Variants in SH3D19 observed in about 807,000 individuals in gnomAD.
SH3D19 encodes the protein SH3 domain-containing protein 19.
SH3D19 carries 58 observed loss-of-function variants against 112.1 expected under a neutral mutation model. That is an observed-to-expected ratio of 0.52 (90% CI 0.42 to 0.64). SH3D19 has a LOEUF of 0.64. SH3D19 is among the 30% of genes least tolerant of loss of function. The pLI, the probability that SH3D19 is intolerant of heterozygous loss-of-function variation, is 0.00. For synonymous variants in SH3D19, 391 were observed against 448.5 expected (o/e 0.87, Z 1.62); for missense variants, 1,090 against 1,263.4 (o/e 0.86, Z 2.08).
intron 1 of SH3D19, among the ~76,000 whole-genome samples, chr4:151,292,997 G>C (rs1472395274): frequency 6.6e-6 from 1 of 151,988 alleles, no homozygotes; most frequent in African/African-American, 2.4e-5. Flanking sequence ...GCGGGTGCCT[G>C]TAATCCCAGC....
chr4:151,122,596 C>T (rs1272201365), intron 19 of SH3D19, among the ~76,000 whole-genome samples: 1 of 151,928 alleles, frequency 6.6e-6, no homozygotes, highest in Non-Finnish European at 1.5e-5. Context: ...AATTAATATT[C>T]CCTCATTCTA....
chr4:151,139,171 T>G (rs1752500187), intron 13 of SH3D19, among the ~76,000 whole-genome samples: 2 of 151,928 alleles, frequency 1.3e-5, no homozygotes, highest in African/African-American at 4.8e-5. Flanking sequence ...TTTTCTTTTT[T>G]GAGACGGAGT....
intron 12 of SH3D19, among the ~76,000 whole-genome samples, chr4:151,141,291 A>G (rs1418574476): frequency 6.6e-6 from 1 of 152,108 alleles, no homozygotes; most frequent in East Asian, 1.9e-4. Flanking sequence ...ATGCCTGGCT[A>G]ATTTTTGTAT....
intron 1 of SH3D19, among the ~76,000 whole-genome samples, chr4:151,314,560 T>C (rs1226619597): frequency 6.6e-6 from 1 of 152,204 alleles, no homozygotes; most frequent in Non-Finnish European, 1.5e-5. Context: ...AGAATCTAGG[T>C]ATCTTATAAC....
chr4:151,192,635 A>G (rs1008161579), intron 2 of SH3D19, among the ~76,000 whole-genome samples: 7 of 152,214 alleles, frequency 4.6e-5, no homozygotes, highest in African/African-American at 1.7e-4. Flanking sequence ...CACAACACAT[A>G]CTTCTCATAT....
rs765536105 is a variant in SH3D19 at position 151,176,666 on chromosome 4, C to G, written c.397G>C (p.Val133Leu). 2.5e-5 allele frequency: 31 copies of G among 1,232,014 alleles called. No individual in the cohort carries two copies. The highest frequency in any genetic ancestry group is 3.1e-5 in the Non-Finnish European group (31 of 987,894). The allele number at this position is 1,232,014 out of a possible 1,614,324, so 76.3% of individuals were successfully genotyped here. A position where few individuals can be genotyped will look rare whatever the true frequency, so the allele number is the denominator to read the frequency against. The change falls in exon 6 of 20, where the codon GTT becomes CTT. Residue 133 changes from valine to leucine, a missense_variant. Val to Leu is a conservative substitution (Grantham distance 32, BLOSUM62 1). Coordinates refer to ENST00000604030, the MANE Select transcript of SH3D19 (RefSeq NM_001378122.1). ...TGAACTTGGTTGATTTCTTTTATAA[C>G]TTGTTCATAAGATGGTGGGAGCTGA... is the stretch of plus-strand genomic sequence containing the variant. ...PAELPPSYEQ[V>L]IKEINQVQVN...
chr4:151,184,196 T>C (rs12644496), intron 3 of SH3D19, among the ~76,000 whole-genome samples: 105,245 of 152,074 alleles, frequency 0.69, 41,633 homozygotes, highest in Non-Finnish European at 0.89. Context: ...CCGGAATCAT[T>C]ATGAAATAAG....
chr4:151,231,121 T>A (rs1769573739), intron 1 of SH3D19, among the ~76,000 whole-genome samples: 1 of 152,178 alleles, frequency 6.6e-6, no homozygotes. Flanking sequence ...TGTCATTACA[T>A]CTTTACTTAT....
intron 14 of SH3D19, among the ~76,000 whole-genome samples, chr4:151,135,882 A>G (rs926089193): frequency 2.0e-5 from 3 of 152,252 alleles, no homozygotes; most frequent in Non-Finnish European, 4.4e-5. Flanking sequence ...AAAACTTTGG[A>G]TTCTCGGGCT....
intron 1 of SH3D19, among the ~76,000 whole-genome samples, chr4:151,241,135 T>C (rs963892653): frequency 2.2e-5 from 3 of 134,506 alleles, no homozygotes; most frequent in Non-Finnish European, 4.9e-5. Flanking sequence ...AAAAAAAAAA[T>C]TAAAAAACTA....
chr4:151,155,101 T>C (rs1755840330), intron 9 of SH3D19, among the ~76,000 whole-genome samples: 1 of 152,214 alleles, frequency 6.6e-6, no homozygotes, highest in African/African-American at 2.4e-5. Context: ...GTCCATTACA[T>C]ATGATGGACA....
At chr4:151,270,681 T>C (rs964485577) in intron 1 of SH3D19, among the ~76,000 whole-genome samples, 2 of 152,196 alleles carry the variant, frequency 1.3e-5, no homozygotes, top group African/African-American at 4.8e-5. Context: ...ACAGCTCTAA[T>C]GTCACTAGGC....
intron 2 of SH3D19, among the ~76,000 whole-genome samples, chr4:151,210,401 A>T (rs922144956): frequency 1.5e-5 from 2 of 136,770 alleles, no homozygotes; most frequent in Non-Finnish European, 3.1e-5. Flanking sequence ...TATCATCCCA[A>T]TTTTTTTTTT....
intron 14 of SH3D19, among the ~76,000 whole-genome samples, chr4:151,135,421 A>ATTTTTTTTTTTTTTTT (rs34291277): frequency 1.1e-5 from 1 of 87,488 alleles, no homozygotes; most frequent in Non-Finnish European, 2.0e-5. Context: ...TCTCTATCTC[A>ATTTTTTTTTTTTTTTT]TTTTTTTTTT....
intron 1 of SH3D19, among the ~76,000 whole-genome samples, chr4:151,231,069 A>G (rs1769569477): frequency 6.6e-6 from 1 of 152,180 alleles, no homozygotes; most frequent in African/African-American, 2.4e-5. Context: ...AGAATTACCT[A>G]AAGGTTCCTT....
chr4:151,148,254 TACACACACACACACACACAC>T, intron 10 of SH3D19, 68 bp from the exon 11 acceptor site: 59 of 981,892 alleles, frequency 6.0e-5, no homozygotes, highest in Admixed American at 1.6e-4. Flanking sequence ...TGTCCTGTCT[TACACACACACACACACACAC>T]ACACACACAC....
At chr4:151,246,054 A>AGT (rs61504632) in intron 1 of SH3D19, among the ~76,000 whole-genome samples, 27,564 of 150,940 alleles carry the variant, frequency 0.18, 2,835 homozygotes, top group Non-Finnish European at 0.23. Flanking sequence ...AAAAAAAAAA[A>AGT]AAGGCTGAAA....
intron 7 of SH3D19, among the ~76,000 whole-genome samples, chr4:151,174,402 T>C (rs888038452): frequency 3.9e-5 from 6 of 152,238 alleles, no homozygotes. Flanking sequence ...GCTCATATAA[T>C]AGTAATCGAT....
chr4:151,162,881 T>C (rs1757398719), intron 8 of SH3D19, among the ~76,000 whole-genome samples: 1 of 152,142 alleles, frequency 6.6e-6, no homozygotes, highest in South Asian at 2.1e-4. Context: ...AGCCACAGGA[T>C]TGGTCTTTGA....
Sources: allele counts gnomAD v4.1 joint callset (sites outside exome capture counted in the v4.1 genomes callset), GRCh38; gene constraint gnomAD v4.1.1; transcripts MANE v1.5; gene names NCBI Gene and HGNC (gene_info 2026-07-23, HGNC 2026-07-21).